SPAG8: variants seen among roughly 807,000 people sequenced by gnomAD.
The protein encoded by SPAG8 is sperm associated antigen 8, also known as sperm-associated antigen 8.
A neutral mutation model predicts 45.3 loss-of-function variants in SPAG8; 36 were observed. The observed-to-expected ratio is 0.80, with a 90% CI of 0.61 to 1.05. The LOEUF is 1.05. Among genes scored for constraint, SPAG8 ranks in the 50% least tolerant of loss-of-function variants. The pLI is 0.00. For synonymous variants in SPAG8, 227 were observed against 232.6 expected (o/e 0.98, Z 0.22); for missense variants, 573 against 609.2 (o/e 0.94, Z 0.63).
chr9:35,808,439 G>A, downstream of SPAG8: 1 of 1,529,602 alleles, frequency 6.5e-7, no homozygotes, highest in South Asian at 1.1e-5. The surrounding 1 kb of genome is among the most constrained non-coding windows in gnomAD (Gnocchi z 4.0). Context: ...TGTCAAGCTT[G>A]TCTCCCTCTA....
chr9:35,807,895 G>A (rs555010611), downstream of SPAG8: 53 of 460,610 alleles, frequency 1.2e-4, 1 homozygote, highest in South Asian at 1.1e-3. Context: ...ATCTCCCTGA[G>A]CCTCAGTTGT....
Position 35,811,902 on chromosome 9 carries a change from G to T in SPAG8, c.144C>A (p.Thr48=). 1.9e-6 allele frequency: 3 copies of T among 1,609,262 alleles called. No individual in the cohort carries two copies. The highest frequency in any genetic ancestry group is 2.5e-6 in the Non-Finnish European group (3 of 1,176,498). Residue 48 remains threonine (T), a synonymous_variant, in exon 2 of 7, where the codon ACC becomes ACA. Transcript: ENST00000396638. The part of the protein sequence containing the change: ...DSPRSALAAA[T]AAAAAAASAA... Reference sequence around the variant, plus strand: ...CTGATGCAGCCGCTGCAGCTGCTGCGGTTGCAGCTGCCAGGGCCGACCTGG... The same window carrying T: ...CTGATGCAGCCGCTGCAGCTGCTGCTGTTGCAGCTGCCAGGGCCGACCTGG...
Position 35,811,471 on chromosome 9 carries a change from T to C in SPAG8, c.575A>G (p.His192Arg). 1 of 1,613,126 alleles carries C rather than the reference T, an allele frequency of 6.2e-7. No individual in the cohort carries two copies. Among genetic ancestry groups the C allele is most frequent in the Non-Finnish European group, 8.5e-7 (1 of 1,179,524 alleles). Residue 192 changes from histidine (H) to arginine (R), a missense_variant, in exon 2 of 7, where the codon CAT becomes CGT. Coordinates refer to ENST00000396638, the MANE Select transcript of SPAG8 (RefSeq NM_001039592.2). ...GSGPGHGSGS[H>R]PGPASGPGPD... ...ACCAGGCCCAGAGGCAGGACCAGGA[T>C]GAGAGCCAGAGCCATGACCAGGACC...
At chr9:35,809,459 C>A, downstream of SPAG8, 3 of 1,614,168 alleles carry the variant, frequency 1.9e-6, no homozygotes, top group African/African-American at 1.3e-5. The surrounding 1 kb of genome is among the most constrained non-coding windows in gnomAD (Gnocchi z 4.1). Flanking sequence ...CCCATTCTTT[C>A]CAAGTCAGAT....
At chr9:35,808,125 T>C (rs766447843), downstream of SPAG8, 1 of 1,388,272 alleles carries the variant, frequency 7.2e-7, no homozygotes. This position sits in a 1 kb window ranked among gnomAD's most constrained non-coding sequence, Gnocchi z 4.0. Flanking sequence ...TCCTCCTCTC[T>C]GACAGTTTGG....
downstream of SPAG8, chr9:35,809,270 G>A (rs1368708094): frequency 5.0e-6 from 8 of 1,612,166 alleles, no homozygotes; most frequent in Non-Finnish European, 6.8e-6. This position sits in a 1 kb window ranked among gnomAD's most constrained non-coding sequence, Gnocchi z 4.1. Flanking sequence ...CATGGGGAGG[G>A]GGGCATGGAA....
At chr9:35,809,625 C>T, downstream of SPAG8, 1 of 1,133,252 alleles carries the variant, frequency 8.8e-7, no homozygotes, top group Admixed American at 1.7e-5. The surrounding 1 kb of genome is among the most constrained non-coding windows in gnomAD (Gnocchi z 4.1). Context: ...ATATACCTGT[C>T]CCTCTCTGGC....
Position 35,811,660 on chromosome 9 carries a change from G to A in SPAG8, c.386C>T (p.Thr129Ile). ...SCIAQDTCTT[T>I]DHSSNPGPVP... ...AGGGCCAGGATTAGAACTATGGTCA[G>A]TTGTAGTGCAAGTGTCCTGAGCAAT... The change falls in exon 2 of 7, where the codon ACT becomes ATT. Residue 129 changes from threonine (T) to isoleucine (I), a missense_variant. Thr to Ile is a moderately conservative substitution (Grantham distance 89, BLOSUM62 -1). Transcript: ENST00000396638. 2 of 1,614,252 alleles carry A rather than the reference G, an allele frequency of 1.2e-6. No homozygotes were observed. The highest frequency in any genetic ancestry group is 1.7e-6 in the Non-Finnish European group (2 of 1,180,052).
Position 35,811,869 on chromosome 9 carries a change from T to C in SPAG8, c.177A>G (p.Ala59=). 6.2e-7 allele frequency: 1 copy of C among 1,610,614 alleles called. No homozygotes were observed. Among genetic ancestry groups the C allele is most frequent in the Non-Finnish European group, 8.5e-7 (1 of 1,177,492 alleles). ...TGGCAGTGGTGAAGGCTGCAGTAGC[T>C]GCAGCAGCTGATGCAGCCGCTGCAG... ...AAAAAAASAA[A]ATAAFTTAKA... The change falls in exon 2 of 7, where the codon GCA becomes GCG. Residue 59 remains alanine (A), a synonymous_variant. Coordinates refer to ENST00000396638, the MANE Select transcript of SPAG8 (RefSeq NM_001039592.2).
rs1299592057 is a variant in SPAG8 at position 35,810,490 on chromosome 9, G to A, written c.1149C>T (p.His383=). ...RKLFEVESVT[H]HDYRMELAQA... is the part of the protein sequence containing the mutation. ...GTGCCAGCTCCATTCGGTAGTCATG[G>A]TGTGTCACAGACTCAACCTCGAAGA... The change falls in exon 5 of 7, where the codon CAC becomes CAT. Residue 383 remains histidine, a synonymous_variant. Coordinates refer to ENST00000396638, the MANE Select transcript of SPAG8 (RefSeq NM_001039592.2). 1 of 1,614,084 alleles carries A rather than the reference G, an allele frequency of 6.2e-7. No individual in the cohort carries two copies. The highest frequency in any genetic ancestry group is 8.5e-7 in the Non-Finnish European group (1 of 1,180,050).
chr9:35,810,072 G>A lies in SPAG8; in HGVS notation c.1324C>T (p.Pro442Ser), dbSNP rs764156479. 1.9e-6 allele frequency: 3 copies of A among 1,613,646 alleles called. No homozygotes were observed. Among genetic ancestry groups the A allele is most frequent in the Admixed American group, 1.7e-5 (1 of 59,984 alleles). ...PFRKNCSFST[P>S]VPLSLGKLLP... is the part of the protein sequence containing the mutation. ...AGTTTCCCCAGAGACAAGGGTACTGGTGTTGAGAAGCTGCAGTTCTTCCGG... is the reference window on the plus strand; with the variant it reads ...AGTTTCCCCAGAGACAAGGGTACTGATGTTGAGAAGCTGCAGTTCTTCCGG... The change falls in exon 7 of 7, where the codon CCA becomes TCA. Residue 442 changes from proline (P) to serine (S), a missense_variant. Transcript: ENST00000396638.
downstream of SPAG8, chr9:35,809,655 C>A: frequency 1.8e-6 from 2 of 1,124,908 alleles, no homozygotes; most frequent in Non-Finnish European, 2.7e-6. This position sits in a 1 kb window ranked among gnomAD's most constrained non-coding sequence, Gnocchi z 4.1. Context: ...TTCCTCCCTA[C>A]TTTCTGTAAA....
chr9:35,808,212 T>C, downstream of SPAG8: 1 of 1,614,206 alleles, frequency 6.2e-7, no homozygotes, highest in Non-Finnish European at 8.5e-7. This position sits in a 1 kb window ranked among gnomAD's most constrained non-coding sequence, Gnocchi z 4.0. Context: ...TTTTCTTGCT[T>C]CCCATTTCCT....
At chr9:35,811,135 A>G in intron 2 of SPAG8, 47 bp downstream of exon 2, 1 of 1,559,252 alleles carries the variant, frequency 6.4e-7, no homozygotes, top group South Asian at 1.2e-5. Context: ...CCCCTAAGAA[A>G]CTGAGGGCAG....
At position 35,812,101 on chromosome 9, in the gene SPAG8, C is replaced by CACCGCG; in HGVS notation, c.41_44+2dup. 8.8e-5 allele frequency: 142 copies of CACCGCG among 1,610,870 alleles called. No individual in the cohort carries two copies. In the East Asian group the frequency reaches 1.3e-3, roughly 15 times the overall value. ...TGCCTGCAGCCAGAGCTGCGGCTCTCACCGCGACCGCGACCGCGATCCCTC... is the reference window on the plus strand; with the variant it reads ...TGCCTGCAGCCAGAGCTGCGGCTCTCACCGCGACCGCGACCGCGACCGCGATCCCTC... On this transcript the variant is annotated splice_region_variant and intron_variant, in intron 1 of 6. Coordinates refer to ENST00000396638, the MANE Select transcript of SPAG8 (RefSeq NM_001039592.2).
At position 35,810,932 on chromosome 9, in the gene SPAG8, G is replaced by T. The variant is rs775017045; in HGVS notation, c.990C>A (p.Thr330=). 3.7e-6 allele frequency: 6 copies of T among 1,613,882 alleles called. No homozygotes were observed. The African/African-American group carries it at 8.0e-5, about 22-fold the overall frequency. The part of the protein sequence containing the change: ...QLKSPMPSST[T]QKDSYQPPGN... ...CTGGTGGCTGGTACGAGTCTTTCTG[G>T]GTGGTGCTGGAGGGCATGGGTGACT... The change falls in exon 3 of 7, where the codon ACC becomes ACA. Residue 330 remains threonine, a synonymous_variant. Coordinates refer to ENST00000396638, the MANE Select transcript of SPAG8 (RefSeq NM_001039592.2).
chr9:35,808,495 C>G, downstream of SPAG8: 1 of 1,613,650 alleles, frequency 6.2e-7, no homozygotes, highest in Non-Finnish European at 8.5e-7. The surrounding 1 kb of genome is among the most constrained non-coding windows in gnomAD (Gnocchi z 4.0). Context: ...CCTTTTAATC[C>G]CCCTCTCAAT....
At position 35,810,546 on chromosome 9, in the gene SPAG8, C is replaced by T; in HGVS notation, c.1093G>A (p.Val365Met). ...MLLQHQICKE[V>M]QAEQEPTRKL... ...CTTGTGGGTTCCTGTTCTGCCTGCA[C>T]CTCTTTACTATGTAGCCCGAGGGGT... The change falls in exon 5 of 7, where the codon GTG (valine) becomes ATG (methionine). Residue 365 changes from valine to methionine, a missense_variant. Transcript: ENST00000396638. 20 of 1,614,182 alleles carry T rather than the reference C, an allele frequency of 1.2e-5. No homozygotes were observed. The highest frequency in any genetic ancestry group is 1.7e-5 in the Admixed American group (1 of 60,020).
downstream of SPAG8, chr9:35,809,302 G>A: frequency 6.2e-7 from 1 of 1,609,492 alleles, no homozygotes; most frequent in South Asian, 1.1e-5. The surrounding 1 kb of genome is among the most constrained non-coding windows in gnomAD (Gnocchi z 4.1). Context: ...AAGTGATTAT[G>A]GGAATCATAG....
Sources: gnomAD v4.1 joint callset for allele counts on GRCh38, gnomAD v4.1.1 for gene constraint, Gnocchi (gnomAD v3.1) non-coding constraint, MANE v1.5 for transcripts, NCBI Gene and HGNC (gene_info 2026-07-23, HGNC 2026-07-21) for gene names.